Variants in TAFA2 observed in about 807,000 individuals in gnomAD.
The protein encoded by TAFA2 is TAFA chemokine like family member 2, also known as chemokine-like protein TAFA-2.
In TAFA2, 7 loss-of-function variants were observed where a neutral mutation model predicts 18.8. The observed-to-expected ratio is 0.37, with a 90% CI of 0.21 to 0.70. TAFA2 has a LOEUF of 0.70. Ranked by LOEUF, TAFA2 falls within the 30% of genes least tolerant of loss-of-function variation. TAFA2 has a pLI of 0.53. For missense variants in TAFA2, 122 were observed against 158.1 expected (o/e 0.77, Z 1.23); for synonymous variants, 60 against 54.2 (o/e 1.11, Z -0.47).
At chr12:61,730,217 A>G (rs990501585) in intron 4 of TAFA2, among the ~76,000 whole-genome samples, 1 of 152,106 alleles carries the variant, frequency 6.6e-6, no homozygotes, top group Admixed American at 6.6e-5. Flanking sequence ...CTAGCAGTGA[A>G]GCTGTCACAT....
chr12:62,071,256 C>T (rs544242318), intron 1 of TAFA2, among the ~76,000 whole-genome samples: 66 of 152,232 alleles, frequency 4.3e-4, no homozygotes, highest in Non-Finnish European at 6.6e-4. Flanking sequence ...AATCGGAATG[C>T]TAAGAAGGAA....
At chr12:61,999,039 C>T (rs774813930) in intron 1 of TAFA2, among the ~76,000 whole-genome samples, 5 of 152,292 alleles carry the variant, frequency 3.3e-5, no homozygotes, top group South Asian at 2.1e-4. Context: ...GCTGCATGAA[C>T]GAGATCTAGT....
chr12:61,865,320 G>A (rs777654514), intron 2 of TAFA2, among the ~76,000 whole-genome samples: 4 of 152,072 alleles, frequency 2.6e-5, no homozygotes, highest in Non-Finnish European at 4.4e-5. Context: ...ATGAACATGC[G>A]CTACAACTTA....
At chr12:62,021,418 T>C (rs1204343855) in intron 1 of TAFA2, among the ~76,000 whole-genome samples, 1 of 152,084 alleles carries the variant, frequency 6.6e-6, no homozygotes, top group African/African-American at 2.4e-5. Context: ...TGTAGTCTTT[T>C]ATCCCTCACC....
intron 2 of TAFA2, among the ~76,000 whole-genome samples, chr12:61,826,861 A>T (rs1872553407): frequency 6.6e-6 from 1 of 152,060 alleles, no homozygotes. Context: ...ATGACAGAAG[A>T]TCAGTAAAGA....
Position 61,955,649 on chromosome 12 carries a change from A to ATATATATATATG in TAFA2, c.-1-88224_-1-88223insCATATATATATA, listed in dbSNP as rs1472746786. Reference sequence around the variant, plus strand: ...AAAAAAAAAATATATATATATATATATATATATATATATATATATATTTAA... The same window carrying ATATATATATATG: ...AAAAAAAAAATATATATATATATATATATATATATATGTATATATATATATATATATATTTAA... On this transcript the variant is annotated intron_variant, in intron 1 of 4. Transcript: ENST00000416284. Among the ~76,000 whole-genome samples, 229 of 77,448 alleles carry ATATATATATATG rather than the reference A, an allele frequency of 3.0e-3. 5 individuals carry two copies. The highest frequency in any genetic ancestry group is 8.6e-3 in the African/African-American group (221 of 25,738). The allele number at this position is 77,448 out of a possible 152,430, so 50.8% of individuals were successfully genotyped here. A position where few individuals can be genotyped will look rare whatever the true frequency, so the allele number is the denominator to read the frequency against.
intron 1 of TAFA2, among the ~76,000 whole-genome samples, chr12:61,998,844 G>T (rs1011650473): frequency 3.9e-5 from 6 of 152,204 alleles, no homozygotes; most frequent in Non-Finnish European, 4.4e-5. Flanking sequence ...TCTACCAACT[G>T]CAGGGAAGGC....
At chr12:62,149,298 G>A (rs2136917760) in intron 1 of TAFA2, among the ~76,000 whole-genome samples, 1 of 152,114 alleles carries the variant, frequency 6.6e-6, no homozygotes, top group South Asian at 2.1e-4. Flanking sequence ...ATAGATCTAG[G>A]CAATGCTAAA....
chr12:61,895,073 A>C (rs1366206528), intron 1 of TAFA2, among the ~76,000 whole-genome samples: 1 of 152,196 alleles, frequency 6.6e-6, no homozygotes, highest in African/African-American at 2.4e-5. Context: ...TTCCATTTTT[A>C]CATAAGCCAA....
chr12:61,735,435 C>G (rs1868288870), intron 4 of TAFA2, among the ~76,000 whole-genome samples: 1 of 151,948 alleles, frequency 6.6e-6, no homozygotes, highest in South Asian at 2.1e-4. Flanking sequence ...TTATGTGATA[C>G]AGTGTGATGT....
intron 1 of TAFA2, among the ~76,000 whole-genome samples, chr12:62,086,189 C>T (rs1341142988): frequency 7.0e-6 from 1 of 143,476 alleles, no homozygotes; most frequent in Non-Finnish European, 1.5e-5. Context: ...CAAAACAAAA[C>T]AAAAACAAAA....
At chr12:61,851,464 C>A (rs1873640358) in intron 2 of TAFA2, among the ~76,000 whole-genome samples, 1 of 152,082 alleles carries the variant, frequency 6.6e-6, no homozygotes, top group Non-Finnish European at 1.5e-5. Context: ...GCTTTGTCAT[C>A]CATGTTACAA....
At chr12:61,839,767 G>C (rs1405679652) in intron 2 of TAFA2, among the ~76,000 whole-genome samples, 2 of 151,946 alleles carry the variant, frequency 1.3e-5, no homozygotes, top group Non-Finnish European at 2.9e-5. Context: ...TACCTATCAG[G>C]TACTATGTTC....
intron 1 of TAFA2, among the ~76,000 whole-genome samples, chr12:62,137,338 C>A (rs1290146459): frequency 6.6e-6 from 1 of 152,092 alleles, no homozygotes; most frequent in Non-Finnish European, 1.5e-5. Flanking sequence ...TGCTTTAATA[C>A]AAATTACCAC....
chr12:62,102,264 C>A (rs140477991), intron 1 of TAFA2, among the ~76,000 whole-genome samples: 74 of 152,192 alleles, frequency 4.9e-4, no homozygotes, highest in African/African-American at 1.7e-3. Flanking sequence ...CAGGTAGAAA[C>A]TATTGCTATT....
chr12:61,991,829 T>C (rs796774949), intron 1 of TAFA2, among the ~76,000 whole-genome samples: 2 of 152,334 alleles, frequency 1.3e-5, no homozygotes, highest in African/African-American at 4.8e-5. Context: ...ATTTTAACAT[T>C]GCCAAGCCCA....
In TAFA2 at chr12:61,800,796, A is replaced by G. The variant is rs143647761; in HGVS notation, c.107-45772T>C. 9.4e-4 allele frequency among the ~76,000 whole-genome samples: 143 copies of G among 152,294 alleles called. 3 individuals carry two copies. In the East Asian group the frequency reaches 0.021, roughly 22 times the overall value. On this transcript the variant is annotated intron_variant, in intron 2 of 4. Transcript: ENST00000416284. ...AGGAGAAGATAGAAGGTAGACAACT[A>G]TGTCAAATGTTTCAGAAAGCTAAGG...
intron 1 of TAFA2, among the ~76,000 whole-genome samples, chr12:62,157,708 C>T (rs569042920): frequency 1.3e-5 from 2 of 152,298 alleles, no homozygotes; most frequent in African/African-American, 4.8e-5. Context: ...ACCACTGTGA[C>T]CATCCTGACT....
intron 1 of TAFA2, among the ~76,000 whole-genome samples, chr12:62,236,607 T>C (rs886828624): frequency 3.3e-5 from 5 of 152,348 alleles, no homozygotes; most frequent in Admixed American, 6.5e-5. Context: ...TTCCTTCAGA[T>C]TGAAGAACTC....
Sources: gnomAD v4.1 joint callset for allele counts (sites outside exome capture counted in the v4.1 genomes callset) on GRCh38, gnomAD v4.1.1 for gene constraint, MANE v1.5 for transcripts, NCBI Gene and HGNC (gene_info 2026-07-23, HGNC 2026-07-21) for gene names.